TCF7L2: variants seen among roughly 807,000 people sequenced by gnomAD.
The protein encoded by TCF7L2 is transcription factor 7-like 2.
TCF7L2 carries 23 observed loss-of-function variants against 77.9 expected under a neutral mutation model. The observed-to-expected ratio is 0.30, with a 90% CI of 0.21 to 0.42. TCF7L2 has a LOEUF of 0.42. Ranked by LOEUF, TCF7L2 falls within the 10% of genes least tolerant of loss-of-function variation. The pLI is 1.00. For synonymous variants in TCF7L2, 413 were observed against 340.2 expected, an observed-to-expected ratio of 1.21 and a Z score of -2.36; for missense variants, 654 against 793.1, an observed-to-expected ratio of 0.82 and a Z score of 2.11.
chr10:113,048,326 T>C (rs2053812583), intron 5 of TCF7L2, among the ~76,000 whole-genome samples: 1 of 152,202 alleles, frequency 6.6e-6, no homozygotes, highest in Admixed American at 6.5e-5. Flanking sequence ...TGATTAACTC[T>C]ATGGATGGGG....
At chr10:113,129,439 C>T (rs2066198390) in intron 5 of TCF7L2, 1 of 1,008,566 alleles carries the variant, frequency 9.9e-7, no homozygotes, top group Non-Finnish European at 1.2e-6. Flanking sequence ...GACCTTCCCC[C>T]TTCCTTCACG....
chr10:112,998,776 A>T lies in TCF7L2; in HGVS notation c.450+34152A>T, dbSNP rs556226548. 2.0e-4 allele frequency among the ~76,000 whole-genome samples: 30 copies of T among 152,318 alleles called. No individual in the cohort carries two copies. The South Asian group carries it at 6.2e-3, about 32-fold the overall frequency. Reference sequence around the variant, plus strand: ...TACATTTCATCTCTTCGCTATAAACATTTTAGCTTTTTGTGTTTGCTGACT... The same window carrying T: ...TACATTTCATCTCTTCGCTATAAACTTTTTAGCTTTTTGTGTTTGCTGACT... On this transcript the variant is annotated intron_variant, in intron 4 of 13. Transcript: ENST00000627217.
At chr10:113,098,663 G>A (rs868430590) in intron 5 of TCF7L2, among the ~76,000 whole-genome samples, 32 of 152,148 alleles carry the variant, frequency 2.1e-4, no homozygotes, top group Middle Eastern at 6.8e-3. Context: ...CTGAGATCGC[G>A]CCACTGCACT....
At chr10:113,002,286 T>A (rs967098567) in intron 4 of TCF7L2, among the ~76,000 whole-genome samples, 1 of 152,212 alleles carries the variant, frequency 6.6e-6, no homozygotes, top group Non-Finnish European at 1.5e-5. Context: ...TGCTGTGTTG[T>A]TCCTTGGGGC....
intron 8 of TCF7L2, among the ~76,000 whole-genome samples, chr10:113,149,601 T>C (rs1257849762): frequency 6.6e-6 from 1 of 152,260 alleles, no homozygotes; most frequent in Non-Finnish European, 1.5e-5. Flanking sequence ...AAACTATCTC[T>C]AGCCCGCTTC....
chr10:112,994,695 G>A (rs2043155850), intron 4 of TCF7L2, among the ~76,000 whole-genome samples: 1 of 152,148 alleles, frequency 6.6e-6, no homozygotes, highest in South Asian at 2.1e-4. Flanking sequence ...TTGATTGCCA[G>A]AAACAATATT....
intron 5 of TCF7L2, among the ~76,000 whole-genome samples, chr10:113,073,099 C>CCTGTGTGTGTGTGTGT (rs145753150): frequency 1.6e-4 from 17 of 103,962 alleles, no homozygotes; most frequent in East Asian, 7.3e-4. Flanking sequence ...AGGGCCAGGT[C>CCTGTGTGTGTGTGTGT]GTGTGTGTGT....
chr10:113,021,655 G>T (rs2048284708), intron 4 of TCF7L2, among the ~76,000 whole-genome samples: 1 of 152,232 alleles, frequency 6.6e-6, no homozygotes, highest in South Asian at 2.1e-4. Flanking sequence ...GGTCTCTCAG[G>T]AAGTAGTTGG....
At chr10:112,984,711 A>G (rs957870226) in intron 4 of TCF7L2, among the ~76,000 whole-genome samples, 5 of 152,078 alleles carry the variant, frequency 3.3e-5, no homozygotes, top group African/African-American at 7.2e-5. Context: ...TAGTAATTGA[A>G]GTTAGGGGCC....
chr10:113,009,320 G>A (rs1022995331), intron 4 of TCF7L2, among the ~76,000 whole-genome samples: 124 of 152,144 alleles, frequency 8.2e-4, no homozygotes, highest in African/African-American at 2.2e-3. Flanking sequence ...AGCCTTCCCT[G>A]TCTCCGAGTT....
Position 113,143,936 on chromosome 10 carries a change from T to A in TCF7L2, c.699T>A (p.Pro233=), listed in dbSNP as rs2136929126. 6.2e-7 allele frequency: 1 copy of A among 1,613,870 alleles called. No homozygotes were observed. The highest frequency in any genetic ancestry group is 1.1e-5 in the South Asian group (1 of 91,012). ...TTCTTCCCTCAGGAATCCCACGGCC[T>A]CCGCACCCTCCAGATATATCCCCGT... The change falls in exon 7 of 14, where the codon CCT becomes CCA. Residue 233 remains proline, a synonymous_variant. Coordinates refer to ENST00000627217, the MANE Select transcript of TCF7L2 (RefSeq NM_001146274.2).
At chr10:113,143,007 A>G (rs1428050534) in intron 6 of TCF7L2, among the ~76,000 whole-genome samples, 1 of 152,222 alleles carries the variant, frequency 6.6e-6, no homozygotes, top group Non-Finnish European at 1.5e-5. Flanking sequence ...TTAAAAAATG[A>G]AGTCGTTTTC....
At chr10:112,994,457 G>A (rs1301165871) in intron 4 of TCF7L2, among the ~76,000 whole-genome samples, 2 of 152,006 alleles carry the variant, frequency 1.3e-5, no homozygotes, top group Non-Finnish European at 2.9e-5. Context: ...TAGACATTTT[G>A]TTTATTCATT....
At chr10:112,960,822 G>C (rs1456584839) in intron 3 of TCF7L2, among the ~76,000 whole-genome samples, 1 of 151,960 alleles carries the variant, frequency 6.6e-6, no homozygotes, top group Non-Finnish European at 1.5e-5. Context: ...CGAGTAGCTG[G>C]GATTATAGGC....
intron 12 of TCF7L2, 108 bp downstream of exon 12, chr10:113,158,177 G>C (rs1017189969): frequency 6.7e-6 from 8 of 1,193,164 alleles, no homozygotes; most frequent in Non-Finnish European, 8.4e-6. Flanking sequence ...CCAGGACATT[G>C]TGGGGGAACC....
intron 4 of TCF7L2, among the ~76,000 whole-genome samples, chr10:113,022,275 C>T (rs1035465737): frequency 1.3e-5 from 2 of 152,210 alleles, no homozygotes; most frequent in African/African-American, 2.4e-5. Flanking sequence ...TGATTGTGCT[C>T]TGTGTGTCCG....
intron 4 of TCF7L2, among the ~76,000 whole-genome samples, chr10:112,970,129 C>T (rs923674450): frequency 2.0e-5 from 3 of 151,858 alleles, no homozygotes; most frequent in African/African-American, 4.8e-5. Context: ...CTGTGTAAAC[C>T]TTTCTTGGTT....
intron 4 of TCF7L2, among the ~76,000 whole-genome samples, chr10:112,993,242 A>G (rs1212933620): frequency 1.3e-5 from 2 of 151,750 alleles, no homozygotes; most frequent in East Asian, 3.9e-4. Flanking sequence ...TTTGCCAGCA[A>G]GGCGCGGTGG....
intron 13 of TCF7L2, among the ~76,000 whole-genome samples, chr10:113,164,328 G>C (rs2073695850): frequency 6.6e-6 from 1 of 152,218 alleles, no homozygotes; most frequent in Non-Finnish European, 1.5e-5. Context: ...GAGTAGTGAA[G>C]AGGGGAGATG....
Sources: gnomAD v4.1 joint callset for allele counts (sites outside exome capture counted in the v4.1 genomes callset) on GRCh38, gnomAD v4.1.1 for gene constraint, MANE v1.5 for transcripts, NCBI Gene and HGNC (gene_info 2026-07-23, HGNC 2026-07-21) for gene names.